The following NUDT12 variants were observed in gnomAD, a reference collection of about 807,000 sequenced individuals.
NUDT12 encodes NAD-capped RNA hydrolase NUDT12.
Under a neutral mutation model 45.7 loss-of-function variants are expected in NUDT12, and 42 were observed. The observed-to-expected ratio is 0.92, with a 90% CI of 0.72 to 1.19. The LOEUF (loss-of-function observed/expected upper bound fraction) is 1.19. NUDT12 is among the 50% of genes most tolerant of loss of function. The pLI is 0.00. For missense variants in NUDT12, 590 were observed against 533.1 expected (o/e 1.11, Z -1.05); for synonymous variants, 206 against 179.7 (o/e 1.15, Z -1.17).
rs529597738 is a variant in NUDT12 at position 103,561,779 on chromosome 5, G to A, written c.-7+924C>T. Among the ~76,000 whole-genome samples, 169 of 152,172 alleles carry A rather than the reference G, an allele frequency of 1.1e-3. 2 individuals carry two copies. The highest frequency in any genetic ancestry group is 4.0e-3 in the African/African-American group (165 of 41,518). ...TAATATTTCACTGTCTCATGTTCTG[G>A]GGTCACCGTCACTCCCTCACATTCT... On this transcript the variant is annotated intron_variant, in intron 1 of 6. Coordinates refer to ENST00000230792, the MANE Select transcript of NUDT12 (RefSeq NM_031438.4).
Position 103,559,015 on chromosome 5 carries a change from C to T in NUDT12, c.660G>A (p.Glu220=). 6.2e-7 allele frequency: 1 copy of T among 1,613,794 alleles called. No homozygotes were observed. The change falls in exon 3 of 7, where the codon GAG becomes GAA. Residue 220 remains glutamate (E), a synonymous_variant. Coordinates refer to ENST00000230792, the MANE Select transcript of NUDT12 (RefSeq NM_031438.4). ...LNYAGEVPRE[E]EDGLVAWFAL... The stretch of plus-strand genomic sequence containing the variant: ...CAAACCAGGCAACCAATCCATCTTC[C>T]TCCTCTCTCGGGACTTCACCAGCAT...
intron 2 of NUDT12, 147 bp downstream of exon 2, chr5:103,559,896 T>C: frequency 1.7e-6 from 1 of 575,942 alleles, no homozygotes; most frequent in African/African-American, 1.9e-5. Context: ...GTTAGAAAAA[T>C]TGTGCTACAT....
intron 5 of NUDT12, among the ~76,000 whole-genome samples, chr5:103,552,836 T>C (rs1219256132): frequency 6.6e-6 from 1 of 152,142 alleles, no homozygotes; most frequent in African/African-American, 2.4e-5. Context: ...TTTTATTATG[T>C]TGTCAAACAA....
intron 5 of NUDT12, 120 bp downstream of exon 5, chr5:103,554,620 T>C: frequency 2.6e-6 from 1 of 390,052 alleles, no homozygotes; most frequent in Non-Finnish European, 4.6e-6. Context: ...ATTTTTAAAA[T>C]ACCTTAAAAT....
chr5:103,560,744 G>A (rs1466266261), intron 1 of NUDT12, among the ~76,000 whole-genome samples: 1 of 152,108 alleles, frequency 6.6e-6, no homozygotes, highest in African/African-American at 2.4e-5. Flanking sequence ...TGAGGTAGGG[G>A]TCAAGATACT....
chr5:103,559,239 G>C lies in NUDT12; in HGVS notation c.436C>G (p.Pro146Ala). Reference protein sequence around the residue: ...SDWLLAKESHPATVFILFSDL... With the variant: ...SDWLLAKESHAATVFILFSDL... ...GAGAAAAGAATAAAAACTGTGGCTG[G>C]ATGGCTTTCTTTAGCTAGCAGCCAG... is the stretch of plus-strand genomic sequence containing the variant. The change falls in exon 3 of 7, where the codon CCA (proline) becomes GCA (alanine). Residue 146 changes from proline to alanine, a missense_variant. Physicochemically the swap from Pro to Ala is conservative, Grantham distance 27. Transcript: ENST00000230792. 6.3e-7 allele frequency: 1 copy of C among 1,576,624 alleles called. No individual in the cohort carries two copies. Among genetic ancestry groups the C allele is most frequent in the Non-Finnish European group, 8.6e-7 (1 of 1,164,246 alleles).
rs1491335747 is a variant in NUDT12 at position 103,557,280 on chromosome 5, G to GGTATATATATATATATATATATATAT, written c.797-1183_797-1182insATATATATATATATATATATATATAC. On this transcript the variant is annotated intron_variant, in intron 3 of 6. Transcript: ENST00000230792. The stretch of plus-strand genomic sequence containing the variant: ...TATCAGATCTTTTTGATCTTAAAAT[G>GGTATATATATATATATATATATATAT]ATATATATATATATATATATATATG... Among the ~76,000 whole-genome samples the GGTATATATATATATATATATATATAT allele has an allele frequency of 7.6e-3, 908 of 118,708 alleles. 104 individuals carry two copies. Among genetic ancestry groups the GGTATATATATATATATATATATATAT allele is most frequent in the South Asian group, 0.011 (34 of 3,088 alleles). The allele number at this position is 118,708 out of a possible 152,430, so 77.9% of individuals were successfully genotyped here.
At chr5:103,558,777 C>T (rs1748912845) in intron 3 of NUDT12, 102 bp downstream of exon 3, 1 of 736,732 alleles carries the variant, frequency 1.4e-6, no homozygotes, top group East Asian at 2.8e-5. Flanking sequence ...AATTTCACTG[C>T]TTACTGGAAA....
rs140377843 is a variant in NUDT12 at position 103,554,511 on chromosome 5, G to A, written c.1078+229C>T. The stretch of plus-strand genomic sequence containing the variant: ...AGCAACATATCAAAGAGCAAATACT[G>A]AATTTTTAACAAAGCAGACCAAATT... On this transcript the variant is annotated intron_variant, in intron 5 of 6. Transcript: ENST00000230792. The A allele has an allele frequency of 1.9e-3, 445 of 237,170 alleles. 3 individuals carry two copies. Among genetic ancestry groups the A allele is most frequent in the African/African-American group, 9.8e-3 (430 of 44,094 alleles). 14.7% of individuals were successfully genotyped at this position (237,170 alleles called of 1,614,324 possible).
chr5:103,551,098 C>A (rs1434444488), intron 6 of NUDT12, 127 bp from the exon 7 acceptor site: 2 of 643,166 alleles, frequency 3.1e-6, no homozygotes, highest in East Asian at 2.8e-5. Flanking sequence ...TAGAAAGTGA[C>A]AACATCCATA....
intron 3 of NUDT12, 123 bp downstream of exon 3, chr5:103,558,756 G>A (rs1486309820): frequency 3.6e-5 from 23 of 647,034 alleles, no homozygotes; most frequent in Non-Finnish European, 5.2e-5. Flanking sequence ...AGTTTCTGAT[G>A]AAGACAGTCT....
intron 1 of NUDT12, among the ~76,000 whole-genome samples, chr5:103,560,696 T>C (rs1749005603): frequency 6.6e-6 from 1 of 152,148 alleles, no homozygotes; most frequent in African/African-American, 2.4e-5. Flanking sequence ...GCACAATTAA[T>C]TCTGTAATCC....
In NUDT12 at chr5:103,560,244, G is replaced by C. The variant is rs1731836557; in HGVS notation, c.5C>G (p.Ser2Cys). The stretch of plus-strand genomic sequence containing the variant: ...TTGCTTCAGACTTCTTTTTACAGAA[G>C]ACATTTCTTCCTTAAAAGAAGGAAA... MSSVKRSLKQEI... is the reference protein window; with the variant it reads MCSVKRSLKQEI... The change falls in exon 2 of 7, where the codon TCT becomes TGT. Residue 2 changes from serine to cysteine, a missense_variant. Transcript: ENST00000230792. 1 of 1,610,690 alleles carries C rather than the reference G, an allele frequency of 6.2e-7. No individual in the cohort carries two copies. The highest frequency in any genetic ancestry group is 1.7e-5 in the Admixed American group (1 of 59,940).
chr5:103,554,945 A>T (rs893487674), intron 4 of NUDT12, 92 bp from the exon 5 acceptor site: 11 of 502,794 alleles, frequency 2.2e-5, no homozygotes, highest in African/African-American at 3.9e-5. Flanking sequence ...ATATAAAGGT[A>T]TATCTCCTAT....
intron 3 of NUDT12, among the ~76,000 whole-genome samples, chr5:103,556,542 T>A (rs1580695289): frequency 6.6e-6 from 1 of 152,100 alleles, no homozygotes; most frequent in African/African-American, 2.4e-5. Context: ...ATCACCACTC[T>A]CTTGGTGACT....
chr5:103,560,729 T>C (rs1024749146), intron 1 of NUDT12, among the ~76,000 whole-genome samples: 7 of 152,180 alleles, frequency 4.6e-5, no homozygotes, highest in Non-Finnish European at 4.4e-5. Context: ...TTTTTGTTCA[T>C]GGCATGAGGT....
chr5:103,562,476 GC>G (rs1749063792), intron 1 of NUDT12, among the ~76,000 whole-genome samples: 1 of 152,012 alleles, frequency 6.6e-6, no homozygotes. Flanking sequence ...CTCAGCTTGG[GC>G]AGGAAACTCT....
At chr5:103,559,566 A>G (rs556732669) in intron 2 of NUDT12, 98 bp from the exon 3 acceptor site, 1 of 596,434 alleles carries the variant, frequency 1.7e-6, no homozygotes, top group Admixed American at 3.7e-5. Context: ...TACATATTAA[A>G]GTCCTTCTTT....
At chr5:103,561,167 A>G (rs1749022122) in intron 1 of NUDT12, among the ~76,000 whole-genome samples, 1 of 151,992 alleles carries the variant, frequency 6.6e-6, no homozygotes, top group African/African-American at 2.4e-5. Context: ...TTTCTATGAA[A>G]TGCTATTAAG....
Sources: gnomAD v4.1 joint callset for allele counts (sites outside exome capture counted in the v4.1 genomes callset) on GRCh38, gnomAD v4.1.1 for gene constraint, MANE v1.5 for transcripts, NCBI Gene and HGNC (gene_info 2026-07-23, HGNC 2026-07-21) for gene names.